GALNT17: variants seen among roughly 807,000 people sequenced by gnomAD.
GALNT17 encodes the protein UDP-GalNAc:polypeptide N-acetylgalactosaminyltransferase-like 3.
Under a neutral mutation model 63.7 loss-of-function variants are expected in GALNT17, and 29 were observed. The observed-to-expected ratio is 0.46, with a 90% CI of 0.34 to 0.62. The LOEUF (loss-of-function observed/expected upper bound fraction) is 0.62, where lower values mean the gene tolerates loss of function less well. Among genes scored for constraint, GALNT17 ranks in the 20% least tolerant of loss-of-function variants. GALNT17 has a pLI of 0.01. For missense variants in GALNT17, 603 were observed against 799.6 expected, an observed-to-expected ratio of 0.75 and a Z score of 2.97; for synonymous variants, 305 against 318.3, an observed-to-expected ratio of 0.96 and a Z score of 0.45.
chr7:71,475,244 C>G (rs1318009381), intron 5 of GALNT17, among the ~76,000 whole-genome samples: 2 of 152,164 alleles, frequency 1.3e-5, no homozygotes, highest in South Asian at 4.1e-4. Flanking sequence ...CGGGATGATT[C>G]AAGCACATTC....
intron 6 of GALNT17, among the ~76,000 whole-genome samples, chr7:71,595,839 G>T (rs184892702): frequency 5.3e-5 from 8 of 152,112 alleles, no homozygotes; most frequent in African/African-American, 1.9e-4. Context: ...AACATGACAC[G>T]CAGGAAGATT....
chr7:71,251,522 A>G (rs916527958), intron 1 of GALNT17, among the ~76,000 whole-genome samples: 3 of 151,938 alleles, frequency 2.0e-5, no homozygotes, highest in South Asian at 4.2e-4. Context: ...CAGTCTTCCC[A>G]CCTGAGCTTC....
intron 1 of GALNT17, among the ~76,000 whole-genome samples, chr7:71,255,962 C>T (rs1264747103): frequency 6.6e-6 from 1 of 152,166 alleles, no homozygotes; most frequent in African/African-American, 2.4e-5. Context: ...CCTCATTATA[C>T]CCTTCTGCCT....
intron 5 of GALNT17, among the ~76,000 whole-genome samples, chr7:71,529,653 T>C (rs1273954873): frequency 1.3e-5 from 2 of 152,220 alleles, no homozygotes; most frequent in Non-Finnish European, 2.9e-5. Flanking sequence ...TTTTCCCAGC[T>C]CTGAGCTTCA....
At chr7:71,207,733 G>A (rs1789299920) in intron 1 of GALNT17, among the ~76,000 whole-genome samples, 1 of 152,134 alleles carries the variant, frequency 6.6e-6, no homozygotes, top group Non-Finnish European at 1.5e-5. Flanking sequence ...GTCCTTGGGA[G>A]CCTTGTGTGC....
At chr7:71,152,981 G>T (rs1409015914) in intron 1 of GALNT17, among the ~76,000 whole-genome samples, 2 of 152,120 alleles carry the variant, frequency 1.3e-5, no homozygotes, top group Non-Finnish European at 1.5e-5. Flanking sequence ...GGATAATTCT[G>T]TTGGAAAGCT....
intron 5 of GALNT17, among the ~76,000 whole-genome samples, chr7:71,423,016 G>T (rs766111066): frequency 2.0e-5 from 3 of 152,170 alleles, no homozygotes; most frequent in Non-Finnish European, 2.9e-5. Flanking sequence ...TCATTCTGTT[G>T]TTGCTAGCCT....
chr7:71,631,198 C>CTTTTTTT (rs113080267), intron 6 of GALNT17, among the ~76,000 whole-genome samples: 1 of 145,140 alleles, frequency 6.9e-6, no homozygotes, highest in African/African-American at 2.5e-5. Context: ...TTTATTTTTA[C>CTTTTTTT]TTTTTTTTTT....
intron 1 of GALNT17, among the ~76,000 whole-genome samples, chr7:71,294,781 TTA>T (rs1224571037): frequency 6.6e-6 from 1 of 152,122 alleles, no homozygotes; most frequent in Non-Finnish European, 1.5e-5. Context: ...TTCAAATGCT[TTA>T]TGTTATTATC....
intron 5 of GALNT17, among the ~76,000 whole-genome samples, chr7:71,491,483 G>A (rs73367533): frequency 6.6e-6 from 1 of 152,144 alleles, no homozygotes; most frequent in African/African-American, 2.4e-5. Flanking sequence ...ACCCTGCCTT[G>A]TTCCAAGGAA....
At position 71,710,775 on chromosome 7, in the gene GALNT17, C is replaced by A. The variant is rs571368084; in HGVS notation, c.1515C>A (p.Thr505=). 28 of 1,612,374 alleles carry A rather than the reference C, an allele frequency of 1.7e-5. No homozygotes were observed. The African/African-American group carries it at 3.2e-4, about 18-fold the overall frequency. ...TCTCTCGACAGCTTGCCCGCTACAC[C>A]AAGGAAGGCTTCCTGCACTTGGGTG... ...HGWGPQLARY[T]KEGFLHLGAL... is the part of the protein sequence containing the mutation. Residue 505 remains threonine (T), a synonymous_variant, in exon 10 of 11, where the codon ACC becomes ACA. Transcript: ENST00000333538.
At chr7:71,339,234 C>T (rs1791965447) in intron 2 of GALNT17, among the ~76,000 whole-genome samples, 2 of 152,184 alleles carry the variant, frequency 1.3e-5, no homozygotes, top group South Asian at 2.1e-4. Context: ...ACAGTCCTTG[C>T]CTACTTACTT....
intron 1 of GALNT17, among the ~76,000 whole-genome samples, chr7:71,270,672 T>G (rs1790571121): frequency 6.6e-6 from 1 of 151,956 alleles, no homozygotes; most frequent in South Asian, 2.1e-4. Flanking sequence ...TCCAAACCCT[T>G]ACCCTCTTCT....
At chr7:71,618,320 A>G (rs927298407) in intron 6 of GALNT17, among the ~76,000 whole-genome samples, 1 of 152,104 alleles carries the variant, frequency 6.6e-6, no homozygotes, top group Non-Finnish European at 1.5e-5. Flanking sequence ...TTTCTTTTGG[A>G]TAGATACCCA....
chr7:71,280,458 G>T lies in GALNT17; in HGVS notation c.239-55092G>T, dbSNP rs116862591. Among the ~76,000 whole-genome samples the T allele has an allele frequency of 7.2e-5, 11 of 152,280 alleles. No individual in the cohort carries two copies. In the East Asian group the frequency reaches 1.7e-3, roughly 24 times the overall value. ...CACCAAGAGAGGAATCAGGGGATGA[G>T]GGTAGGCGTGAAAAAGATCAAGATT... On this transcript the variant is annotated intron_variant, in intron 1 of 10. Coordinates refer to ENST00000333538, the MANE Select transcript of GALNT17 (RefSeq NM_022479.3).
chr7:71,638,454 T>C (rs2117002534), intron 6 of GALNT17, among the ~76,000 whole-genome samples: 1 of 151,628 alleles, frequency 6.6e-6, no homozygotes, highest in South Asian at 2.1e-4. Flanking sequence ...AGTCTTAGAG[T>C]GGTAGATGAA....
At chr7:71,588,050 G>C (rs957169667) in intron 6 of GALNT17, among the ~76,000 whole-genome samples, 3 of 152,202 alleles carry the variant, frequency 2.0e-5, no homozygotes, top group Non-Finnish European at 4.4e-5. Context: ...ATGGTATTTA[G>C]AGACCGAAGT....
At chr7:71,413,874 G>C (rs372183083) in intron 3 of GALNT17, among the ~76,000 whole-genome samples, 1 of 129,800 alleles carries the variant, frequency 7.7e-6, no homozygotes, top group Non-Finnish European at 1.8e-5. Flanking sequence ...ACTGTTGTTT[G>C]GAACAGTGTA....
intron 6 of GALNT17, among the ~76,000 whole-genome samples, chr7:71,623,675 A>T (rs897113011): frequency 4.6e-5 from 7 of 152,058 alleles, no homozygotes; most frequent in Non-Finnish European, 1.0e-4. Context: ...ACCTCAAGTG[A>T]TCCACCTGCC....
Sources: gnomAD v4.1 joint callset for allele counts (sites outside exome capture counted in the v4.1 genomes callset) on GRCh38, gnomAD v4.1.1 for gene constraint, MANE v1.5 for transcripts, NCBI Gene and HGNC (gene_info 2026-07-23, HGNC 2026-07-21) for gene names.